Variants in ZNF670 observed in about 807,000 individuals in gnomAD.
ZNF670 encodes the protein zinc finger protein 670.
In ZNF670, 7 loss-of-function variants were observed where a neutral mutation model predicts 10.9. The ratio of observed to expected loss-of-function variants is 0.64; its 90% confidence interval spans 0.36 to 1.20. The LOEUF (loss-of-function observed/expected upper bound fraction) is 1.20. ZNF670 is among the 50% of genes most tolerant of loss of function. The probability of loss-of-function intolerance (pLI) is 0.02; values close to 1 mark genes in which losing one functional copy is unlikely to be tolerated. For synonymous variants in ZNF670, 136 were observed against 152.7 expected, an observed-to-expected ratio of 0.89 and a Z score of 0.81; for missense variants, 446 against 458.6, an observed-to-expected ratio of 0.97 and a Z score of 0.25.
chr1:247,058,372 C>T (rs934913903), intron 1 of ZNF670, among the ~76,000 whole-genome samples: 7 of 152,056 alleles, frequency 4.6e-5, no homozygotes, highest in Non-Finnish European at 7.4e-5. Context: ...AAATGCAGTA[C>T]AAGTGGTGCT....
At chr1:247,048,917 T>A (rs568708132) in intron 1 of ZNF670, among the ~76,000 whole-genome samples, 1 of 152,302 alleles carries the variant, frequency 6.6e-6, no homozygotes, top group South Asian at 2.1e-4. Context: ...ATGCCGCTCC[T>A]TGTTATTGGT....
intron 1 of ZNF670, chr1:247,042,665 G>C (rs981018802): frequency 2.5e-5 from 7 of 281,054 alleles, no homozygotes; most frequent in African/African-American, 1.5e-4. Context: ...AAGAAAGTAA[G>C]TTTAGGATTA....
In ZNF670 at chr1:247,035,174, AT is replaced by A. The variant is rs1670119006; in HGVS notation, c.*2274del. On this transcript the variant is annotated 3_prime_UTR_variant, in exon 4 of 4. Transcript: ENST00000366503. ...AGATATCATCAGTCATGGTTGGTTC[AT>A]TCTGTTGGTAATGCCAATTGTTTTC... Among the ~76,000 whole-genome samples the A allele has an allele frequency of 6.6e-6, 1 of 152,244 alleles. No individual in the cohort carries two copies. The highest frequency in any genetic ancestry group is 1.5e-5 in the Non-Finnish European group (1 of 68,040).
At chr1:247,063,537 C>T (rs893411078) in intron 1 of ZNF670, among the ~76,000 whole-genome samples, 1 of 138,950 alleles carries the variant, frequency 7.2e-6, no homozygotes, top group Non-Finnish European at 1.5e-5. Context: ...GAGCCGAGAT[C>T]GTGCCACTGC....
At chr1:247,077,846 TG>T (rs1237772855) in intron 1 of ZNF670, among the ~76,000 whole-genome samples, 1 of 152,100 alleles carries the variant, frequency 6.6e-6, no homozygotes, top group Non-Finnish European at 1.5e-5. Flanking sequence ...GAGACTGAGG[TG>T]GGGGGATCGC....
intron 1 of ZNF670, among the ~76,000 whole-genome samples, chr1:247,066,123 G>A (rs1297432036): frequency 1.3e-5 from 2 of 152,220 alleles, no homozygotes; most frequent in African/African-American, 4.8e-5. Context: ...GACACAGTCA[G>A]GACGATCTTT....
At chr1:247,047,958 C>T (rs1224073673) in intron 1 of ZNF670, among the ~76,000 whole-genome samples, 1 of 152,210 alleles carries the variant, frequency 6.6e-6, no homozygotes, top group Non-Finnish European at 1.5e-5. Flanking sequence ...AGACCTCTGA[C>T]ATGTCCTAAA....
At chr1:247,050,835 A>C (rs1670574757) in intron 1 of ZNF670, among the ~76,000 whole-genome samples, 1 of 152,076 alleles carries the variant, frequency 6.6e-6, no homozygotes, top group African/African-American at 2.4e-5. Flanking sequence ...GATCATTTAC[A>C]TTCAACGTTA....
chr1:247,042,863 C>G, intron 1 of ZNF670: 1 of 617,158 alleles, frequency 1.6e-6, no homozygotes. Flanking sequence ...TCCCTATTCT[C>G]TGTACTGTAA....
rs942829624 is a variant in ZNF670 at position 247,035,661 on chromosome 1, T to G, written c.*1788A>C. ...CTATACCACATATTATATAGCTACT[T>G]ATACACATATAAGTATACATGTAGA... On this transcript the variant is annotated 3_prime_UTR_variant, in exon 4 of 4. Coordinates refer to ENST00000366503, the MANE Select transcript of ZNF670 (RefSeq NM_033213.5). Among the ~76,000 whole-genome samples, 2 of 152,222 alleles carry G rather than the reference T, an allele frequency of 1.3e-5. No homozygotes were observed. Among genetic ancestry groups the G allele is most frequent in the African/African-American group, 4.8e-5 (2 of 41,454 alleles).
In ZNF670 at chr1:247,078,697, G is replaced by C; in HGVS notation, c.-101C>G. On this transcript the variant is annotated 5_prime_UTR_variant, in exon 1 of 4. The change creates a new upstream start codon in the 5' untranslated region. Transcript: ENST00000366503. ...CGCGGGACCACTTGGACCTCCCAGG[G>C]ATAAGGGGAAGGAGCAGCGGAGACG... 1 of 1,355,814 alleles carries C rather than the reference G, an allele frequency of 7.4e-7. No homozygotes were observed. The highest frequency in any genetic ancestry group is 1.0e-6 in the Non-Finnish European group (1 of 960,100). 84.0% of individuals were successfully genotyped at this position (1,355,814 alleles called of 1,614,324 possible).
At chr1:247,055,747 A>G (rs896086067) in intron 1 of ZNF670, among the ~76,000 whole-genome samples, 1 of 152,184 alleles carries the variant, frequency 6.6e-6, no homozygotes, top group Non-Finnish European at 1.5e-5. Context: ...ATAAAAAAAC[A>G]AGACCCACTG....
chr1:247,043,200 G>A, intron 1 of ZNF670: 1 of 718,692 alleles, frequency 1.4e-6, no homozygotes, highest in East Asian at 3.2e-5. Context: ...CATGACAAGG[G>A]CCATACGCAT....
rs189000310 is a variant in ZNF670, at chr1:247,047,496, G to A, written c.4-7959C>T. Among the ~76,000 whole-genome samples the A allele has an allele frequency of 3.5e-3, 513 of 148,406 alleles. 11 individuals are homozygous for A. Among genetic ancestry groups the A allele is most frequent in the Admixed American group, 0.03 (442 of 14,882 alleles). ...CACTGCAGCAAACTTCTGCCTAGACGTCCATGTATTTCCATACATCCTCTG... is the reference window on the plus strand; with the variant it reads ...CACTGCAGCAAACTTCTGCCTAGACATCCATGTATTTCCATACATCCTCTG... On this transcript the variant is annotated intron_variant, in intron 1 of 3. Transcript: ENST00000366503.
At chr1:247,071,982 C>T (rs1191368288) in intron 1 of ZNF670, among the ~76,000 whole-genome samples, 4 of 151,592 alleles carry the variant, frequency 2.6e-5, no homozygotes, top group African/African-American at 7.3e-5. Flanking sequence ...CTCAGCCTCC[C>T]AAGTAGCTGG....
chr1:247,058,630 C>A (rs10924898), intron 1 of ZNF670, among the ~76,000 whole-genome samples: 150,188 of 151,394 alleles, frequency 0.99, 74,497 homozygotes, highest in Middle Eastern at 1. Context: ...CCAGACCAAA[C>A]AAGGGAGAAA....
At chr1:247,040,810 C>G (rs1670287129) in intron 1 of ZNF670, among the ~76,000 whole-genome samples, 1 of 152,124 alleles carries the variant, frequency 6.6e-6, no homozygotes, top group African/African-American at 2.4e-5. Flanking sequence ...ATTCTCCTGC[C>G]TCAGCCTCCC....
chr1:247,054,641 T>C (rs906333348), intron 1 of ZNF670, among the ~76,000 whole-genome samples: 4 of 152,176 alleles, frequency 2.6e-5, no homozygotes, highest in Non-Finnish European at 4.4e-5. Flanking sequence ...GGGCCCTGAA[T>C]AACCACAATT....
Position 247,074,564 on chromosome 1 carries a change from C to T in ZNF670, c.3+4030G>A, listed in dbSNP as rs187196131. On this transcript the variant is annotated intron_variant, in intron 1 of 3. Coordinates refer to ENST00000366503, the MANE Select transcript of ZNF670 (RefSeq NM_033213.5). ...GAATTTACTTTATTGCAGCAGTTCC[C>T]CACCTTTTTGGCATCAGGGATCAGT... Among the ~76,000 whole-genome samples, 35 of 152,244 alleles carry T rather than the reference C, an allele frequency of 2.3e-4. 1 individual carries two copies. The highest frequency in any genetic ancestry group is 1.1e-3 in the Admixed American group (17 of 15,290).
Sources: allele counts gnomAD v4.1 joint callset (sites outside exome capture counted in the v4.1 genomes callset), GRCh38; gene constraint gnomAD v4.1.1; transcripts MANE v1.5; gene names NCBI Gene and HGNC (gene_info 2026-07-23, HGNC 2026-07-21).